The following GRID2 variants were observed in gnomAD, a reference collection of about 807,000 sequenced individuals.
GRID2 encodes glutamate ionotropic receptor delta type subunit 2.
In GRID2, 33 loss-of-function variants were observed where a neutral mutation model predicts 114.8. That is an observed-to-expected ratio of 0.29 (90% confidence interval 0.22 to 0.38). The LOEUF is 0.38. Ranked by LOEUF, GRID2 falls within the 10% of genes least tolerant of loss-of-function variation. The probability of loss-of-function intolerance (pLI) is 1.00; values close to 1 mark genes in which losing one functional copy is unlikely to be tolerated. For synonymous variants in GRID2, 505 were observed against 449.9 expected, an observed-to-expected ratio of 1.12 and a Z score of -1.55; for missense variants, 1,184 against 1,257.7, an observed-to-expected ratio of 0.94 and a Z score of 0.89.
At chr4:92,469,734 C>T (rs144598707) in intron 1 of GRID2, among the ~76,000 whole-genome samples, 1 of 150,774 alleles carries the variant, frequency 6.6e-6, no homozygotes, top group South Asian at 2.1e-4. Context: ...CAAAAATAAC[C>T]CAACTTAGTT....
intron 2 of GRID2, among the ~76,000 whole-genome samples, chr4:92,616,383 T>C (rs916641780): frequency 3.3e-5 from 5 of 151,554 alleles, no homozygotes; most frequent in African/African-American, 1.2e-4. Context: ...ATGAGTTACA[T>C]TTCTCTTGTT....
intron 8 of GRID2, among the ~76,000 whole-genome samples, chr4:93,323,573 A>T (rs1168470136): frequency 1.3e-5 from 2 of 152,068 alleles, no homozygotes; most frequent in African/African-American, 4.8e-5. Flanking sequence ...GTTTTTTCTA[A>T]TTCTGTGAAG....
intron 14 of GRID2, among the ~76,000 whole-genome samples, chr4:93,673,209 T>G (rs987812578): frequency 2.6e-5 from 4 of 152,170 alleles, no homozygotes; most frequent in African/African-American, 9.7e-5. Context: ...AGCTTCTTTA[T>G]AAAAATTGAG....
chr4:93,559,416 A>G (rs1221229590), intron 13 of GRID2, among the ~76,000 whole-genome samples: 1 of 152,246 alleles, frequency 6.6e-6, no homozygotes, highest in African/African-American at 2.4e-5. Context: ...AAAGTAGGTA[A>G]AGGATATGAA....
intron 13 of GRID2, among the ~76,000 whole-genome samples, chr4:93,553,697 A>G (rs1302931558): frequency 6.6e-6 from 1 of 152,190 alleles, no homozygotes; most frequent in Non-Finnish European, 1.5e-5. Flanking sequence ...CAAGTTTATT[A>G]AGGAAGATTT....
At chr4:93,589,087 C>A (rs959861217) in intron 13 of GRID2, among the ~76,000 whole-genome samples, 3 of 151,606 alleles carry the variant, frequency 2.0e-5, no homozygotes, top group Non-Finnish European at 4.4e-5. Flanking sequence ...TTTTAGGGTA[C>A]ATGGGCACAT....
At chr4:93,104,916 T>A (rs1280805550) in intron 3 of GRID2, among the ~76,000 whole-genome samples, 1 of 151,898 alleles carries the variant, frequency 6.6e-6, no homozygotes, top group East Asian at 1.9e-4. Context: ...TAGTTTACAG[T>A]CCCACCAACA....
intron 8 of GRID2, among the ~76,000 whole-genome samples, chr4:93,281,245 T>C (rs1752620009): frequency 1.3e-5 from 2 of 151,222 alleles, no homozygotes; most frequent in African/African-American, 4.9e-5. Context: ...GGGAAATAAA[T>C]TACAGTGATC....
intron 13 of GRID2, among the ~76,000 whole-genome samples, chr4:93,613,959 G>A (rs1741285085): frequency 6.6e-6 from 1 of 151,812 alleles, no homozygotes; most frequent in Non-Finnish European, 1.5e-5. Flanking sequence ...CTAGCAATCA[G>A]CGAGATTCCG....
At chr4:93,674,274 G>A (rs186713372) in intron 14 of GRID2, among the ~76,000 whole-genome samples, 85 of 152,202 alleles carry the variant, frequency 5.6e-4, no homozygotes, top group African/African-American at 2.0e-3. Context: ...CATCATTCTA[G>A]TTAAAAATCC....
chr4:93,496,476 G>A (rs1471525924), intron 12 of GRID2, among the ~76,000 whole-genome samples: 1 of 151,726 alleles, frequency 6.6e-6, no homozygotes, highest in Non-Finnish European at 1.5e-5. Context: ...TCAAGATACA[G>A]AACTATTCCA....
chr4:93,330,478 T>G (rs1380008530), intron 8 of GRID2, among the ~76,000 whole-genome samples: 1 of 152,210 alleles, frequency 6.6e-6, no homozygotes, highest in Non-Finnish European at 1.5e-5. Flanking sequence ...TTGAAAGAAA[T>G]ATTTTCATTT....
chr4:93,010,409 C>T (rs760155405), intron 2 of GRID2, among the ~76,000 whole-genome samples: 55 of 151,832 alleles, frequency 3.6e-4, no homozygotes, highest in African/African-American at 1.2e-3. Flanking sequence ...TACTAGATTA[C>T]GGGTTTATTG....
At chr4:92,924,762 T>G (rs1255768377) in intron 2 of GRID2, among the ~76,000 whole-genome samples, 1 of 152,164 alleles carries the variant, frequency 6.6e-6, no homozygotes, top group Non-Finnish European at 1.5e-5. Context: ...TTTACCTTCC[T>G]TGTTAGCCTT....
At chr4:93,767,260 C>T (rs1733746128) in intron 14 of GRID2, among the ~76,000 whole-genome samples, 1 of 152,056 alleles carries the variant, frequency 6.6e-6, no homozygotes, top group Non-Finnish European at 1.5e-5. Flanking sequence ...GAGTGTGTTT[C>T]TCAGAATTAA....
intron 1 of GRID2, among the ~76,000 whole-genome samples, chr4:92,555,534 A>G (rs1330778487): frequency 6.6e-6 from 1 of 152,216 alleles, no homozygotes; most frequent in Non-Finnish European, 1.5e-5. Context: ...CAGCTGGCAT[A>G]CATCATATCT....
At chr4:92,405,932 T>C (rs993647824) in intron 1 of GRID2, among the ~76,000 whole-genome samples, 15 of 152,086 alleles carry the variant, frequency 9.9e-5, no homozygotes, top group African/African-American at 3.6e-4. Context: ...CAACAGGCCG[T>C]CTGCAAGCTG....
At chr4:93,355,176 A>G (rs545276797) in intron 8 of GRID2, among the ~76,000 whole-genome samples, 2 of 151,916 alleles carry the variant, frequency 1.3e-5, no homozygotes, top group Admixed American at 6.6e-5. Flanking sequence ...ATTACTTACT[A>G]CTGTGGAACA....
intron 2 of GRID2, among the ~76,000 whole-genome samples, chr4:92,855,716 A>G (rs1454796263): frequency 6.6e-6 from 1 of 152,030 alleles, no homozygotes; most frequent in Admixed American, 6.6e-5. Context: ...AACTTAACAC[A>G]CACCTTTTTA....
Sources: gnomAD v4.1 joint callset for allele counts (sites outside exome capture counted in the v4.1 genomes callset) on GRCh38, gnomAD v4.1.1 for gene constraint, MANE v1.5 for transcripts, NCBI Gene and HGNC (gene_info 2026-07-23, HGNC 2026-07-21) for gene names.